Variants in ADGRD2 observed in about 807,000 individuals in gnomAD.
The protein encoded by ADGRD2 is adhesion G protein-coupled receptor D2.
A neutral mutation model predicts 44.4 loss-of-function variants in ADGRD2; 71 were observed. The ratio of observed to expected loss-of-function variants is 1.60; its 90% confidence interval spans 1.32 to 1.95. The LOEUF is 1.95. Ranked by LOEUF, ADGRD2 falls within the 30% of genes most tolerant of loss-of-function variation. ADGRD2 has a pLI of 0.00. For missense variants in ADGRD2, 1,039 were observed against 512.4 expected (o/e 2.03, Z -9.92); for synonymous variants, 481 against 224.8 (o/e 2.14, Z -10.19).
exon 13 of ADGRD2, chr9:124,468,109 C>T (rs1442839903): frequency 2.8e-6 from 2 of 718,556 alleles, no homozygotes; most frequent in South Asian, 3.0e-5. Context: ...CAGAGCGAAC[C>T]ACAGTCCACA....
rs770585347 is a variant in ADGRD2 at position 124,452,730 on chromosome 9, T to C, written c.281+8T>C. Reference sequence around the variant, plus strand: ...GGAGACCCCCACAGAGGCGTGAGTGTGGGCCCCTGGGAAATGGGAGCAAGG... The same window carrying C: ...GGAGACCCCCACAGAGGCGTGAGTGCGGGCCCCTGGGAAATGGGAGCAAGG... On this transcript the variant is annotated splice_region_variant and intron_variant, in intron 2 of 21. Transcript: ENST00000334810. The C allele has an allele frequency of 1.2e-4, 86 of 706,370 alleles. No homozygotes were observed. Among genetic ancestry groups the C allele is most frequent in the African/African-American group, 1.1e-3 (64 of 57,228 alleles). The allele number at this position is 706,370 out of a possible 1,614,324, so 43.8% of individuals were successfully genotyped here. A position where few individuals can be genotyped will look rare whatever the true frequency, so the allele number is the denominator to read the frequency against.
intron 17 of ADGRD2, among the ~76,000 whole-genome samples, chr9:124,471,672 C>G (rs923308083): frequency 1.3e-5 from 2 of 152,214 alleles, no homozygotes; most frequent in African/African-American, 4.8e-5. Context: ...GCTATGACCA[C>G]AGATGGGTCC....
chr9:124,453,359 G>T (rs1415338003), exon 3 of ADGRD2: 3 of 530,850 alleles, frequency 5.7e-6, no homozygotes, highest in Non-Finnish European at 9.8e-6. Context: ...CGGGGCGGGC[G>T]CTGGGCGCTG....
chr9:124,453,686 G>GGCCC lies in ADGRD2; in HGVS notation c.923+10_923+11insGCCC. 1.5e-6 allele frequency: 1 copy of GGCCC among 650,376 alleles called. No individual in the cohort carries two copies. The highest frequency in any genetic ancestry group is 2.8e-6 in the Non-Finnish European group (1 of 361,896). 40.3% of individuals were successfully genotyped at this position (650,376 alleles called of 1,614,324 possible). A position where few individuals can be genotyped will look rare whatever the true frequency, so the allele number is the denominator to read the frequency against. The stretch of plus-strand genomic sequence containing the variant: ...CGCCTTCTCTGTCCCGGTACGACCC[G>GGCCC]CCCCGCCCCGGCCCCACCCCATGGC... On this transcript the variant is annotated intron_variant, in intron 3 of 21. Coordinates refer to ENST00000334810, the Ensembl canonical transcript of ADGRD2.
chr9:124,470,700 G>T (rs1226074669), intron 17 of ADGRD2, 86 bp downstream of exon 20: 6 of 620,406 alleles, frequency 9.7e-6, no homozygotes, highest in South Asian at 5.4e-5. Context: ...GGCCTGGGAG[G>T]GTGAGCTCTC....
At chr9:124,457,430 C>G in intron 7 of ADGRD2, 42 bp from the exon 11 acceptor site, 1 of 549,764 alleles carries the variant, frequency 1.8e-6, no homozygotes. Flanking sequence ...AGCAGAAAGA[C>G]CTCACTCCGA....
chr9:124,452,711 C>T, exon 2 of ADGRD2: 1 of 713,900 alleles, frequency 1.4e-6, no homozygotes. Flanking sequence ...CTGCGGAGAC[C>T]CCCACAGAGG....
intron 12 of ADGRD2, 27 bp from the exon 16 acceptor site, chr9:124,468,061 G>C (rs1793678656): frequency 1.4e-6 from 1 of 718,190 alleles, no homozygotes; most frequent in Non-Finnish European, 2.6e-6. Flanking sequence ...TGGTGTTCTT[G>C]TTAACTGACT....
At chr9:124,459,412 T>C (rs1346558356) in intron 10 of ADGRD2, among the ~76,000 whole-genome samples, 1 of 151,898 alleles carries the variant, frequency 6.6e-6, no homozygotes, top group African/African-American at 2.4e-5. Flanking sequence ...GAGAACCGCC[T>C]GAACCCAGGA....
intron 19 of ADGRD2, 67 bp downstream of exon 22, chr9:124,475,682 T>G (rs765392930): frequency 1.7e-6 from 1 of 590,078 alleles, no homozygotes; most frequent in East Asian, 3.1e-5. Flanking sequence ...AGCCCCCATA[T>G]CCTCTCCTTT....
chr9:124,458,488 C>G lies in ADGRD2; in HGVS notation c.1765-128C>G, dbSNP rs141730884. The G allele has an allele frequency of 5.9e-5, 37 of 631,104 alleles. No individual in the cohort carries two copies. In the African/African-American group the frequency reaches 6.0e-4, roughly 10 times the overall value. The allele number at this position is 631,104 out of a possible 1,614,324, so 39.1% of individuals were successfully genotyped here. On this transcript the variant is annotated intron_variant, in intron 9 of 21. Transcript: ENST00000334810. ...CCCTAAGGCAAGACTGAACCAGGTG[C>G]CACAATTCCTGATATCCCTTCGGAC...
At chr9:124,458,632 G>C (rs778729158) in exon 10 of ADGRD2, 2 of 718,814 alleles carry the variant, frequency 2.8e-6, no homozygotes, top group Non-Finnish European at 5.2e-6. Context: ...AAGCACCCAG[G>C]TGGGGTCAGC....
chr9:124,451,510 G>A (rs535019271), upstream of ADGRD2: 6 of 331,016 alleles, frequency 1.8e-5, no homozygotes, highest in East Asian at 4.1e-4. Context: ...AGCTCAGTGG[G>A]GTCTGGGAGT....
In ADGRD2 at chr9:124,454,806, C is replaced by T. The variant is rs1162713591; in HGVS notation, c.1109-37C>T. ...GGCCCTTGGGGGGATCCCCTCATAA[C>T]AACCAGACCCAGAGTCAGTGGCTCC... is the stretch of plus-strand genomic sequence containing the variant. On this transcript the variant is annotated intron_variant, in intron 5 of 21. Transcript: ENST00000334810. The surrounding 1 kb of genome is among the most constrained non-coding windows in gnomAD (Gnocchi z 4.5). 1.8e-5 allele frequency: 12 copies of T among 653,990 alleles called. No individual in the cohort carries two copies. In the East Asian group the frequency reaches 3.3e-4, roughly 18 times the overall value. The allele number at this position is 653,990 out of a possible 1,614,324, so 40.5% of individuals were successfully genotyped here. A position where few individuals can be genotyped will look rare whatever the true frequency, so the allele number is the denominator to read the frequency against.
upstream of ADGRD2, chr9:124,451,314 G>T: frequency 2.3e-6 from 1 of 441,352 alleles, no homozygotes. Context: ...GGGACCCTGA[G>T]CTCTGTTTCG....
chr9:124,469,940 T>C (rs896066245), intron 16 of ADGRD2, among the ~76,000 whole-genome samples: 15 of 151,732 alleles, frequency 9.9e-5, no homozygotes, highest in African/African-American at 3.2e-4. Context: ...GAAGTTCAGG[T>C]TCAGGGTAAG....
At chr9:124,464,243 A>G (rs924237352) in intron 10 of ADGRD2, among the ~76,000 whole-genome samples, 3 of 152,214 alleles carry the variant, frequency 2.0e-5, no homozygotes, top group East Asian at 1.9e-4. Context: ...TTCAGAAAAT[A>G]TAGAAAAGGA....
upstream of ADGRD2, among the ~76,000 whole-genome samples, chr9:124,450,770 GCGT>G (rs888468488): frequency 6.6e-6 from 1 of 152,254 alleles, no homozygotes; most frequent in African/African-American, 2.4e-5. Flanking sequence ...CCGGTGAGGG[GCGT>G]GTTGGATTTT....
intron 6 of ADGRD2, among the ~76,000 whole-genome samples, chr9:124,456,232 G>A (rs1831614209): frequency 6.6e-6 from 1 of 152,198 alleles, no homozygotes; most frequent in South Asian, 2.1e-4. Flanking sequence ...CATGAATGCA[G>A]GTTCCTCTCC....
Sources: allele counts gnomAD v4.1 joint callset (sites outside exome capture counted in the v4.1 genomes callset), GRCh38; gene constraint gnomAD v4.1.1; non-coding constraint Gnocchi (gnomAD v3.1); transcripts MANE v1.5; gene names NCBI Gene and HGNC (gene_info 2026-07-23, HGNC 2026-07-21).